The following FNDC1 variants were observed in gnomAD, a reference collection of about 807,000 sequenced individuals.
FNDC1 encodes fibronectin type III domain containing 1.
A neutral mutation model predicts 168.0 loss-of-function variants in FNDC1; 96 were observed. The ratio of observed to expected loss-of-function variants is 0.57; its 90% confidence interval spans 0.48 to 0.68. FNDC1 has a LOEUF of 0.68. Among genes scored for constraint, FNDC1 ranks in the 30% least tolerant of loss-of-function variants. The probability of loss-of-function intolerance (pLI) is 0.00; values close to 1 mark genes in which losing one functional copy is unlikely to be tolerated. For synonymous variants in FNDC1, 1,099 were observed against 1,025.9 expected (o/e 1.07, Z -1.36); for missense variants, 2,587 against 2,482.1 (o/e 1.04, Z -0.90).
intron 15 of FNDC1, among the ~76,000 whole-genome samples, 156 bp downstream of exon 15, chr6:159,247,125 C>G (rs1166792432): frequency 6.6e-6 from 1 of 152,060 alleles, no homozygotes. Flanking sequence ...GTGGTTGTAC[C>G]CCACGCTTCC....
At position 159,232,515 on chromosome 6, in the gene FNDC1, C is replaced by G. The variant is rs776166114; in HGVS notation, c.2003C>G (p.Pro668Arg). 2.5e-6 allele frequency: 4 copies of G among 1,612,168 alleles called. No homozygotes were observed. The South Asian group carries it at 4.4e-5, about 18-fold the overall frequency. ...HPKGAFAQPR[P>R]ALSPSRQSPS... ...AAGGGCGCCTTCGCCCAGCCCCGGCCAGCCCTGTCCCCCAGCCGCCAGTCC... is the reference window on the plus strand; with the variant it reads ...AAGGGCGCCTTCGCCCAGCCCCGGCGAGCCCTGTCCCCCAGCCGCCAGTCC... The change falls in exon 11 of 23, where the codon CCA (proline) becomes CGA (arginine). Residue 668 changes from proline (P) to arginine (R), a missense_variant. Pro to Arg is a moderately radical substitution (Grantham distance 103, BLOSUM62 -2). Coordinates refer to ENST00000297267, the MANE Select transcript of FNDC1 (RefSeq NM_032532.3). This position sits in a 1 kb window ranked among gnomAD's most constrained non-coding sequence, Gnocchi z 4.9.
At chr6:159,263,240 T>C (rs1419498085) in intron 19 of FNDC1, among the ~76,000 whole-genome samples, 1 of 152,054 alleles carries the variant, frequency 6.6e-6, no homozygotes, top group African/African-American at 2.4e-5. Context: ...CTCTATTTTG[T>C]GGATAGCAGA....
chr6:159,188,382 T>C (rs77111649), intron 1 of FNDC1, among the ~76,000 whole-genome samples: 2 of 148,916 alleles, frequency 1.3e-5, no homozygotes, highest in African/African-American at 2.4e-5. Flanking sequence ...TTTTTTTTTT[T>C]TTTTTTTTTT....
intron 1 of FNDC1, among the ~76,000 whole-genome samples, chr6:159,183,794 G>A (rs567906890): frequency 2.0e-5 from 3 of 152,262 alleles, no homozygotes; most frequent in African/African-American, 4.8e-5. Flanking sequence ...CACTGTTGTC[G>A]GACATAGAGT....
At chr6:159,236,368 A>G in intron 12 of FNDC1, 53 bp downstream of exon 12, 1 of 1,204,052 alleles carries the variant, frequency 8.3e-7, no homozygotes, top group South Asian at 1.3e-5. Flanking sequence ...TTGAGAAGAG[A>G]AAAATGGTGG....
chr6:159,225,183 A>ACT (rs1290925747), intron 7 of FNDC1, among the ~76,000 whole-genome samples: 1 of 146,424 alleles, frequency 6.8e-6, no homozygotes, highest in Non-Finnish European at 1.5e-5. Context: ...ATACAGACAC[A>ACT]CACACACACA....
intron 1 of FNDC1, among the ~76,000 whole-genome samples, chr6:159,194,847 G>T (rs59739254): frequency 0.12 from 18,135 of 152,090 alleles, 1,144 homozygotes; most frequent in Non-Finnish European, 0.13. Flanking sequence ...TGATGGGCAG[G>T]ATTGCTTTTT....
At chr6:159,176,838 G>A (rs1219673124) in intron 1 of FNDC1, among the ~76,000 whole-genome samples, 1 of 151,990 alleles carries the variant, frequency 6.6e-6, no homozygotes, top group African/African-American at 2.4e-5. Context: ...CATTGTTTGG[G>A]GCTTCTTCTA....
At chr6:159,197,295 G>A in intron 1 of FNDC1, 136 bp from the exon 2 acceptor site, 2 of 801,052 alleles carry the variant, frequency 2.5e-6, no homozygotes, top group Non-Finnish European at 3.9e-6. Flanking sequence ...GCAAATACAT[G>A]ACTATCCTTA....
At chr6:159,243,744 G>A (rs1321080937) in intron 14 of FNDC1, among the ~76,000 whole-genome samples, 1 of 151,670 alleles carries the variant, frequency 6.6e-6, no homozygotes, top group Non-Finnish European at 1.5e-5. Context: ...TTTTTTAATT[G>A]TAAATATATT....
Position 159,232,464 on chromosome 6 carries a change from A to T in FNDC1, c.1952A>T (p.Glu651Val), listed in dbSNP as rs1562299630. ...DNDLVDSDEDERAVGSLHPKG... is the reference protein window; with the variant it reads ...DNDLVDSDEDVRAVGSLHPKG... Reference sequence around the variant, plus strand: ...GACTTGGTGGACTCAGACGAAGATGAGCGCGCTGTGGGCTCCCTCCACCCC... The same window carrying T: ...GACTTGGTGGACTCAGACGAAGATGTGCGCGCTGTGGGCTCCCTCCACCCC... Residue 651 changes from glutamate to valine, a missense_variant, in exon 11 of 23, where the codon GAG becomes GTG. Physicochemically the swap from Glu to Val is moderately radical, Grantham distance 121. Coordinates refer to ENST00000297267, the MANE Select transcript of FNDC1 (RefSeq NM_032532.3). The surrounding 1 kb of genome is among the most constrained non-coding windows in gnomAD (Gnocchi z 4.9). The T allele has an allele frequency of 6.2e-7, 1 of 1,612,134 alleles. No individual in the cohort carries two copies. The highest frequency in any genetic ancestry group is 8.5e-7 in the Non-Finnish European group (1 of 1,178,952).
chr6:159,183,315 A>G (rs931458275), intron 1 of FNDC1, among the ~76,000 whole-genome samples: 1 of 152,172 alleles, frequency 6.6e-6, no homozygotes, highest in African/African-American at 2.4e-5. Context: ...TTGACTTGAC[A>G]TTGGGGGACA....
In FNDC1 at chr6:159,257,901, A is replaced by G. The variant is rs537837103; in HGVS notation, c.5174+1270A>G. Among the ~76,000 whole-genome samples, 14 of 119,016 alleles carry G rather than the reference A, an allele frequency of 1.2e-4. No homozygotes were observed. In the South Asian group the frequency reaches 3.7e-3, roughly 31 times the overall value. 78.1% of individuals were successfully genotyped at this position (119,016 alleles called of 152,430 possible). On this transcript the variant is annotated intron_variant, in intron 18 of 22. Transcript: ENST00000297267. ...AACAAAATTAGAGAAAATGGAGTCA[A>G]TGTCTTTTTTTTTTTTTTTTTTGGC...
rs1349705121 is a variant in FNDC1 at position 159,249,197 on chromosome 6, C to T, written c.4834+15C>T. 1 of 1,594,286 alleles carries T rather than the reference C, an allele frequency of 6.3e-7. No individual in the cohort carries two copies. The highest frequency in any genetic ancestry group is 8.5e-7 in the Non-Finnish European group (1 of 1,172,112). On this transcript the variant is annotated intron_variant, in intron 16 of 22. Transcript: ENST00000297267. ...ACGATTTGTTGGTAAATATAATGTC[C>T]TTAATCAGAGAAACATGGGTTTTTA... is the stretch of plus-strand genomic sequence containing the variant.
At chr6:159,189,597 G>T (rs780507504) in intron 1 of FNDC1, among the ~76,000 whole-genome samples, 1 of 152,152 alleles carries the variant, frequency 6.6e-6, no homozygotes, top group Admixed American at 6.5e-5. Flanking sequence ...AAACGGCACC[G>T]ATTTCAGTGA....
intron 1 of FNDC1, among the ~76,000 whole-genome samples, chr6:159,189,398 C>T (rs888624867): frequency 6.6e-6 from 1 of 152,184 alleles, no homozygotes; most frequent in Non-Finnish European, 1.5e-5. Flanking sequence ...GTTCCCTGGG[C>T]AGTTTGGGGT....
chr6:159,269,437 C>G, intron 22 of FNDC1, among the ~76,000 whole-genome samples: 1 of 137,776 alleles, frequency 7.3e-6, no homozygotes, highest in African/African-American at 2.6e-5. Flanking sequence ...AGGTATCCAT[C>G]CATTATCTAC....
At position 159,269,307 on chromosome 6, in the gene FNDC1, TC is replaced by T. The variant is rs760667682; in HGVS notation, c.5569+1383del. ...ATCTATCTATCCATCCATCCATCTATCCTATCTATTTATCTAACTATCTATC... is the reference window on the plus strand; with the variant it reads ...ATCTATCTATCCATCCATCCATCTATCTATCTATTTATCTAACTATCTATC... On this transcript the variant is annotated intron_variant, in intron 22 of 22. Coordinates refer to ENST00000297267, the MANE Select transcript of FNDC1 (RefSeq NM_032532.3). 2.4e-3 allele frequency among the ~76,000 whole-genome samples: 282 copies of T among 119,778 alleles called. 16 individuals are homozygous for T. The highest frequency in any genetic ancestry group is 3.8e-3 in the Non-Finnish European group (203 of 52,866). The allele number at this position is 119,778 out of a possible 152,430, so 78.6% of individuals were successfully genotyped here.
chr6:159,257,115 G>T (rs113216916), intron 18 of FNDC1, among the ~76,000 whole-genome samples: 1 of 152,220 alleles, frequency 6.6e-6, no homozygotes, highest in South Asian at 2.1e-4. Context: ...AGGCGTGGCT[G>T]GCCAGAGAAT....
Sources: gnomAD v4.1 joint callset for allele counts (sites outside exome capture counted in the v4.1 genomes callset) on GRCh38, gnomAD v4.1.1 for gene constraint, Gnocchi (gnomAD v3.1) non-coding constraint, MANE v1.5 for transcripts, NCBI Gene and HGNC (gene_info 2026-07-23, HGNC 2026-07-21) for gene names.